Variants in KCNIP3 observed in about 807,000 individuals in gnomAD.
KCNIP3 encodes calsenilin.
A neutral mutation model predicts 35.0 loss-of-function variants in KCNIP3; 28 were observed. The observed-to-expected ratio is 0.80, with a 90% CI of 0.59 to 1.10. KCNIP3 has a LOEUF of 1.10. KCNIP3 is among the 50% of genes least tolerant of loss of function. KCNIP3 has a pLI of 0.00. For synonymous variants in KCNIP3, 134 were observed against 133.8 expected, an observed-to-expected ratio of 1.00 and a Z score of -0.01; for missense variants, 295 against 338.4, an observed-to-expected ratio of 0.87 and a Z score of 1.01.
At chr2:95,313,066 T>C (rs1488615195) in intron 2 of KCNIP3, 1 of 152,418 alleles carries the variant, frequency 6.6e-6, no homozygotes, top group Non-Finnish European at 1.5e-5. Flanking sequence ...GCCCATTCAG[T>C]GCAGCCCCAC....
At chr2:95,333,558 C>G (rs1476974836) in intron 2 of KCNIP3, among the ~76,000 whole-genome samples, 1 of 152,168 alleles carries the variant, frequency 6.6e-6, no homozygotes, top group East Asian at 1.9e-4. Context: ...AGCACGTGCT[C>G]AGGATAGAGT....
At chr2:95,357,116 G>A (rs1007984905) in intron 2 of KCNIP3, among the ~76,000 whole-genome samples, 6 of 152,192 alleles carry the variant, frequency 3.9e-5, no homozygotes, top group African/African-American at 1.2e-4. Flanking sequence ...CCAGGTCAGC[G>A]GCTCTACTGT....
Position 95,314,098 on chromosome 2 carries a change from G to A in KCNIP3, c.181+3578G>A, listed in dbSNP as rs3772038. Among the ~76,000 whole-genome samples, 62 of 152,132 alleles carry A rather than the reference G, an allele frequency of 4.1e-4. 1 individual carries two copies. In the East Asian group the frequency reaches 9.3e-3, roughly 23 times the overall value. ...TCCCAGGGAGATGCTCATTCTCCCC[G>A]GGGTGCCATGGCAACCCCACGTAAA... On this transcript the variant is annotated intron_variant, in intron 2 of 8. Coordinates refer to ENST00000295225, the MANE Select transcript of KCNIP3 (RefSeq NM_013434.5).
Position 95,382,611 on chromosome 2 carries a change from C to A in KCNIP3, c.660+130C>A, listed in dbSNP as rs1680378054. The stretch of plus-strand genomic sequence containing the variant: ...ACTCCCCATGAGGAGGTTAAACTTG[C>A]CCCTCCAGTCTGGCTGGTTGTCAGA... On this transcript the variant is annotated intron_variant, in intron 7 of 8. Transcript: ENST00000295225. This position sits in a 1 kb window ranked among gnomAD's most constrained non-coding sequence, Gnocchi z 4.5. 1 of 592,772 alleles carries A rather than the reference C, an allele frequency of 1.7e-6. No homozygotes were observed. The highest frequency in any genetic ancestry group is 2.2e-5 in the South Asian group (1 of 44,696). 36.7% of individuals were successfully genotyped at this position (592,772 alleles called of 1,614,324 possible). A position where few individuals can be genotyped will look rare whatever the true frequency, so the allele number is the denominator to read the frequency against.
intron 2 of KCNIP3, among the ~76,000 whole-genome samples, chr2:95,339,010 C>T (rs1056850925): frequency 6.6e-6 from 1 of 152,238 alleles, no homozygotes. Context: ...CGATGGGACA[C>T]AGCCTGGAGC....
intron 2 of KCNIP3, among the ~76,000 whole-genome samples, chr2:95,351,699 AG>A (rs564405882): frequency 6.0e-4 from 92 of 152,330 alleles, no homozygotes; most frequent in African/African-American, 2.2e-3. Flanking sequence ...AGAGGTCTGC[AG>A]GGACCTCCCT....
intron 2 of KCNIP3, among the ~76,000 whole-genome samples, chr2:95,355,954 T>G (rs1679647846): frequency 6.6e-6 from 1 of 152,224 alleles, no homozygotes; most frequent in Non-Finnish European, 1.5e-5. Flanking sequence ...TAATTTACAC[T>G]CCTACCAACA....
Position 95,382,256 on chromosome 2 carries a change from G to C in KCNIP3, c.556-121G>C, listed in dbSNP as rs925809288. 1 of 534,504 alleles carries C rather than the reference G, an allele frequency of 1.9e-6. No individual in the cohort carries two copies. Among genetic ancestry groups the C allele is most frequent in the South Asian group, 3.2e-5 (1 of 30,848 alleles). 33.1% of individuals were successfully genotyped at this position (534,504 alleles called of 1,614,324 possible). A position where few individuals can be genotyped will look rare whatever the true frequency, so the allele number is the denominator to read the frequency against. ...GCGGACAGGCTTCTCTCTCCAGCTC[G>C]TCCGGCCCCTCGCACTCACTGCCTT... is the stretch of plus-strand genomic sequence containing the variant. On this transcript the variant is annotated intron_variant, in intron 6 of 8. Coordinates refer to ENST00000295225, the MANE Select transcript of KCNIP3 (RefSeq NM_013434.5). The surrounding 1 kb of genome is among the most constrained non-coding windows in gnomAD (Gnocchi z 4.5).
intron 2 of KCNIP3, among the ~76,000 whole-genome samples, chr2:95,373,517 G>A (rs1339652772): frequency 2.0e-5 from 3 of 146,728 alleles, no homozygotes; most frequent in Non-Finnish European, 4.5e-5. Context: ...CCGCCTCCCC[G>A]GTTCACACCA....
intron 1 of KCNIP3, among the ~76,000 whole-genome samples, chr2:95,308,194 A>AC (rs559567898): frequency 8.4e-4 from 128 of 151,972 alleles, no homozygotes; most frequent in African/African-American, 2.9e-3. Context: ...GCACCCGTCC[A>AC]CCCCCAGCTC....
intron 2 of KCNIP3, among the ~76,000 whole-genome samples, chr2:95,347,589 G>C (rs1573504693): frequency 6.6e-6 from 1 of 152,212 alleles, no homozygotes. Context: ...CCCCAAGCAA[G>C]GTTCAAGCCC....
At chr2:95,325,035 G>C (rs1468308259) in intron 2 of KCNIP3, among the ~76,000 whole-genome samples, 1 of 152,214 alleles carries the variant, frequency 6.6e-6, no homozygotes, top group Non-Finnish European at 1.5e-5. Flanking sequence ...TAGAAGGGGG[G>C]CTCCAGTCCC....
chr2:95,343,017 A>G (rs533966121), intron 2 of KCNIP3, among the ~76,000 whole-genome samples: 1 of 152,232 alleles, frequency 6.6e-6, no homozygotes, highest in East Asian at 1.9e-4. Context: ...TGGTTGCTGA[A>G]CCGAGAAGAG....
At chr2:95,323,903 G>A (rs1678656966) in intron 2 of KCNIP3, among the ~76,000 whole-genome samples, 1 of 152,212 alleles carries the variant, frequency 6.6e-6, no homozygotes. Flanking sequence ...TGGATGAGGG[G>A]CCAGCTCCTG....
At chr2:95,307,315 C>T (rs1372071919) in intron 1 of KCNIP3, among the ~76,000 whole-genome samples, 1 of 152,170 alleles carries the variant, frequency 6.6e-6, no homozygotes, top group Non-Finnish European at 1.5e-5. Context: ...TGAGGGGCTT[C>T]GGAACACACC....
At chr2:95,346,624 G>GC (rs1157567273) in intron 2 of KCNIP3, 2 of 144,588 alleles carry the variant, frequency 1.4e-5, no homozygotes, top group Admixed American at 6.9e-5. Context: ...GCGCCCCCGC[G>GC]CCCCGGCGCC....
intron 2 of KCNIP3, among the ~76,000 whole-genome samples, chr2:95,366,141 G>A (rs1679912164): frequency 1.3e-5 from 2 of 151,986 alleles, no homozygotes; most frequent in African/African-American, 4.8e-5. Flanking sequence ...CCACCACACC[G>A]GGCACCTGGC....
At chr2:95,354,501 C>T (rs1573508897) in intron 2 of KCNIP3, among the ~76,000 whole-genome samples, 1 of 152,164 alleles carries the variant, frequency 6.6e-6, no homozygotes, top group East Asian at 1.9e-4. Flanking sequence ...GGTTGTGGGT[C>T]TGGGGACAGC....
chr2:95,310,556 G>T (rs775071813), intron 2 of KCNIP3, 36 bp downstream of exon 2: 2 of 1,602,216 alleles, frequency 1.2e-6, no homozygotes, highest in East Asian at 2.2e-5. Flanking sequence ...AAGGGTGGGG[G>T]TGGGGAGATC....
Sources: gnomAD v4.1 joint callset for allele counts (sites outside exome capture counted in the v4.1 genomes callset) on GRCh38, gnomAD v4.1.1 for gene constraint, Gnocchi (gnomAD v3.1) non-coding constraint, MANE v1.5 for transcripts, NCBI Gene and HGNC (gene_info 2026-07-23, HGNC 2026-07-21) for gene names.